Variants in RNGTT observed in about 807,000 individuals in gnomAD.
The protein encoded by RNGTT is mRNA-capping enzyme.
Under a neutral mutation model 79.3 loss-of-function variants are expected in RNGTT, and 33 were observed. The ratio of observed to expected loss-of-function variants is 0.42; its 90% CI spans 0.32 to 0.56. RNGTT has a LOEUF of 0.56. RNGTT is among the 20% of genes least tolerant of loss of function. RNGTT has a pLI of 0.17. For synonymous variants in RNGTT, 222 were observed against 235.9 expected (o/e 0.94, Z 0.54); for missense variants, 497 against 739.1 (o/e 0.67, Z 3.80).
At chr6:88,833,982 A>G (rs957712439) in intron 11 of RNGTT, among the ~76,000 whole-genome samples, 1 of 152,152 alleles carries the variant, frequency 6.6e-6, no homozygotes, top group African/African-American at 2.4e-5. Flanking sequence ...GATAGCACCA[A>G]TGCACTCTGG....
intron 11 of RNGTT, among the ~76,000 whole-genome samples, chr6:88,827,279 C>T (rs1174154594): frequency 6.6e-6 from 1 of 152,114 alleles, no homozygotes; most frequent in Admixed American, 6.6e-5. Flanking sequence ...ACCTGGGAAG[C>T]ACAAGGGGTT....
chr6:88,945,777 C>G (rs766241547), intron 1 of RNGTT, among the ~76,000 whole-genome samples: 8 of 152,160 alleles, frequency 5.3e-5, no homozygotes, highest in Non-Finnish European at 1.0e-4. Context: ...CAATGGGATA[C>G]GGGCCAAAGT....
At chr6:88,833,191 T>C (rs1398709794) in intron 11 of RNGTT, among the ~76,000 whole-genome samples, 1 of 152,114 alleles carries the variant, frequency 6.6e-6, no homozygotes, top group African/African-American at 2.4e-5. Flanking sequence ...CCATCAACGA[T>C]AGACTGGATA....
intron 13 of RNGTT, among the ~76,000 whole-genome samples, chr6:88,686,220 A>C (rs767603630): frequency 5.9e-5 from 9 of 151,828 alleles, no homozygotes; most frequent in Non-Finnish European, 1.2e-4. Flanking sequence ...TAAAACTAAC[A>C]AAAGAAGTGA....
intron 12 of RNGTT, among the ~76,000 whole-genome samples, chr6:88,771,218 T>C (rs1346505706): frequency 2.0e-5 from 3 of 150,114 alleles, no homozygotes; most frequent in Admixed American, 1.3e-4. Context: ...AGACAAGTTT[T>C]ATGGTTTCAG....
At chr6:88,857,846 T>C (rs927235480) in intron 8 of RNGTT, among the ~76,000 whole-genome samples, 4 of 152,196 alleles carry the variant, frequency 2.6e-5, no homozygotes, top group South Asian at 2.1e-4. Flanking sequence ...CTTTCCTCAT[T>C]AAGCTTTTCT....
chr6:88,625,419 T>C (rs138579439), intron 14 of RNGTT, among the ~76,000 whole-genome samples: 26 of 152,156 alleles, frequency 1.7e-4, no homozygotes, highest in Admixed American at 1.7e-3. Flanking sequence ...AAACTATTGA[T>C]AAATACAACA....
chr6:88,867,864 A>G (rs1305908144), intron 8 of RNGTT, among the ~76,000 whole-genome samples: 2 of 152,224 alleles, frequency 1.3e-5, no homozygotes, highest in African/African-American at 4.8e-5. Flanking sequence ...AGTCCCAAAA[A>G]AGGTTCACCT....
chr6:88,680,919 CATTTGTT>C (rs896824523), intron 13 of RNGTT, among the ~76,000 whole-genome samples: 1 of 152,008 alleles, frequency 6.6e-6, no homozygotes, highest in Non-Finnish European at 1.5e-5. Context: ...CGACTAAAGG[CATTTGTT>C]TAGTAGATTC....
chr6:88,959,237 A>G (rs1357159177), intron 1 of RNGTT, among the ~76,000 whole-genome samples: 1 of 152,040 alleles, frequency 6.6e-6, no homozygotes, highest in Non-Finnish European at 1.5e-5. Context: ...ATGAGGGATA[A>G]AAGACTACTA....
chr6:88,893,403 T>C (rs868389105), intron 6 of RNGTT, among the ~76,000 whole-genome samples: 1 of 152,132 alleles, frequency 6.6e-6, no homozygotes, highest in Non-Finnish European at 1.5e-5. Context: ...CATTAACTTC[T>C]GAAATGGGCA....
At chr6:88,739,955 C>G (rs997170629) in intron 13 of RNGTT, among the ~76,000 whole-genome samples, 4 of 151,464 alleles carry the variant, frequency 2.6e-5, no homozygotes, top group African/African-American at 9.7e-5. Flanking sequence ...CTAATTAATA[C>G]CATCTTAGAG....
chr6:88,798,375 G>A (rs1191015290), intron 12 of RNGTT, among the ~76,000 whole-genome samples: 1 of 152,004 alleles, frequency 6.6e-6, no homozygotes, highest in Non-Finnish European at 1.5e-5. Context: ...TGAAGTGCGA[G>A]GATTGCTTGA....
chr6:88,768,841 A>T (rs1419458408), intron 13 of RNGTT, among the ~76,000 whole-genome samples: 3 of 143,132 alleles, frequency 2.1e-5, no homozygotes, highest in African/African-American at 8.5e-5. Context: ...TTATTCTAAG[A>T]TAGCAACCAA....
At chr6:88,828,776 G>C (rs764407285) in intron 11 of RNGTT, among the ~76,000 whole-genome samples, 4 of 151,810 alleles carry the variant, frequency 2.6e-5, no homozygotes, top group Non-Finnish European at 5.9e-5. Flanking sequence ...TCAAGCAGAA[G>C]AAAGGATATC....
intron 2 of RNGTT, among the ~76,000 whole-genome samples, chr6:88,930,044 A>ATATACATATACATGTATATTCATATG (rs1784455360): frequency 1.4e-5 from 2 of 143,652 alleles, no homozygotes; most frequent in South Asian, 2.2e-4. Flanking sequence ...ATATATGCAT[A>ATATACATATACATGTATATTCATATG]TATACATATA....
chr6:88,890,653 G>T, intron 7 of RNGTT, 57 bp from the exon 8 acceptor site: 1 of 1,103,756 alleles, frequency 9.1e-7, no homozygotes, highest in Non-Finnish European at 1.3e-6. Context: ...AGCAATACAT[G>T]TCTTAAACCA....
chr6:88,896,507 G>C (rs1182373450), intron 6 of RNGTT, among the ~76,000 whole-genome samples: 1 of 152,140 alleles, frequency 6.6e-6, no homozygotes, highest in Non-Finnish European at 1.5e-5. Context: ...AGCCAATCTT[G>C]AGAGACAGAG....
chr6:88,760,665 T>A (rs952587011), intron 13 of RNGTT, among the ~76,000 whole-genome samples: 1 of 152,108 alleles, frequency 6.6e-6, no homozygotes, highest in African/African-American at 2.4e-5. Flanking sequence ...AAATAAAATA[T>A]AAATGAAAGA....
Sources: gnomAD v4.1 joint callset for allele counts (sites outside exome capture counted in the v4.1 genomes callset) on GRCh38, gnomAD v4.1.1 for gene constraint, MANE v1.5 for transcripts, NCBI Gene and HGNC (gene_info 2026-07-23, HGNC 2026-07-21) for gene names.